The following DNAAF9 variants were observed in gnomAD, a reference collection of about 807,000 sequenced individuals.
The protein encoded by DNAAF9 is dynein axonemal assembly factor 9.
DNAAF9 carries 90 observed loss-of-function variants against 167.0 expected under a neutral mutation model. The ratio of observed to expected loss-of-function variants is 0.54; its 90% confidence interval spans 0.45 to 0.64. The LOEUF is 0.64. Among genes scored for constraint, DNAAF9 ranks in the 30% least tolerant of loss-of-function variants. The probability of loss-of-function intolerance (pLI) is 0.00; values close to 1 mark genes in which losing one functional copy is unlikely to be tolerated. For missense variants in DNAAF9, 1,315 were observed against 1,442.2 expected (o/e 0.91, Z 1.43); for synonymous variants, 491 against 508.8 (o/e 0.96, Z 0.47).
At chr20:3,375,165 G>A in intron 4 of DNAAF9, 39 bp from the exon 5 acceptor site, 1 of 1,178,362 alleles carries the variant, frequency 8.5e-7, no homozygotes, top group Non-Finnish European at 1.3e-6. Flanking sequence ...GCTCTGATGA[G>A]ATATCACACA....
chr20:3,383,901 C>A (rs373874704), intron 1 of DNAAF9, among the ~76,000 whole-genome samples: 15 of 151,526 alleles, frequency 9.9e-5, no homozygotes, highest in African/African-American at 3.4e-4. Context: ...TGGGTCCAAG[C>A]GACTCTCATG....
intron 20 of DNAAF9, among the ~76,000 whole-genome samples, chr20:3,313,535 G>C (rs6051732): frequency 2.0e-4 from 30 of 152,046 alleles, no homozygotes; most frequent in Non-Finnish European, 1.0e-4. Context: ...CTCACATAAA[G>C]GCTATATTCA....
At chr20:3,260,199 C>T (rs2068357522) in intron 31 of DNAAF9, among the ~76,000 whole-genome samples, 171 bp from the exon 32 acceptor site, 4 of 151,888 alleles carry the variant, frequency 2.6e-5, no homozygotes, top group South Asian at 4.2e-4. Flanking sequence ...ATTAGCCGGG[C>T]GCGGTGGCGG....
intron 6 of DNAAF9, among the ~76,000 whole-genome samples, chr20:3,367,217 C>T (rs916424907): frequency 6.6e-6 from 1 of 152,218 alleles, no homozygotes; most frequent in Non-Finnish European, 1.5e-5. Context: ...CCATTCTCAG[C>T]CTTCACATTA....
intron 7 of DNAAF9, among the ~76,000 whole-genome samples, chr20:3,350,831 A>G (rs2070308796): frequency 6.6e-6 from 1 of 152,200 alleles, no homozygotes; most frequent in Non-Finnish European, 1.5e-5. Flanking sequence ...GATGGTAGTA[A>G]TTACAATGGA....
intron 31 of DNAAF9, among the ~76,000 whole-genome samples, chr20:3,260,928 G>A (rs751280532): frequency 6.6e-6 from 1 of 151,918 alleles, no homozygotes; most frequent in Non-Finnish European, 1.5e-5. Flanking sequence ...CACCATAGCC[G>A]GTCTTGCTCC....
chr20:3,312,137 C>T (rs113014499), intron 20 of DNAAF9, among the ~76,000 whole-genome samples: 10 of 152,126 alleles, frequency 6.6e-5, no homozygotes, highest in South Asian at 2.1e-4. Context: ...TACAGGCATG[C>T]GTCACCACGC....
intron 1 of DNAAF9, among the ~76,000 whole-genome samples, chr20:3,402,917 G>A (rs2084007515): frequency 3.3e-5 from 5 of 152,106 alleles, no homozygotes. Context: ...AATTCATTGT[G>A]CTAGATTCTT....
chr20:3,303,176 A>G (rs1384816617), intron 21 of DNAAF9, among the ~76,000 whole-genome samples: 1 of 151,590 alleles, frequency 6.6e-6, no homozygotes. Flanking sequence ...AGGGAGGCAG[A>G]GCTTGCAGTG....
chr20:3,288,603 A>C (rs1462989915), intron 26 of DNAAF9, among the ~76,000 whole-genome samples: 4 of 152,190 alleles, frequency 2.6e-5, no homozygotes, highest in Admixed American at 6.5e-5. Context: ...CATTCTCCAC[A>C]ATATCCCATC....
intron 21 of DNAAF9, among the ~76,000 whole-genome samples, chr20:3,299,967 A>G (rs931125635): frequency 6.6e-6 from 1 of 152,260 alleles, no homozygotes; most frequent in Non-Finnish European, 1.5e-5. Flanking sequence ...CAGTAGCACA[A>G]TCTCGGCTCA....
intron 10 of DNAAF9, among the ~76,000 whole-genome samples, chr20:3,332,771 A>C (rs1167924321): frequency 2.0e-5 from 3 of 152,128 alleles, no homozygotes; most frequent in Non-Finnish European, 4.4e-5. Flanking sequence ...GCCAGAAATA[A>C]ATTTTCTTCT....
intron 21 of DNAAF9, among the ~76,000 whole-genome samples, chr20:3,300,620 T>G (rs2069167161): frequency 1.3e-5 from 2 of 150,222 alleles, no homozygotes; most frequent in African/African-American, 4.9e-5. Flanking sequence ...CTCACTAATT[T>G]AAAAAATTTT....
intron 25 of DNAAF9, among the ~76,000 whole-genome samples, chr20:3,292,888 C>T (rs2068987876): frequency 6.6e-6 from 1 of 151,946 alleles, no homozygotes; most frequent in African/African-American, 2.4e-5. Flanking sequence ...AGCTTGAGAC[C>T]ATCCTGGCCA....
At chr20:3,364,856 G>T (rs1293574130) in intron 6 of DNAAF9, among the ~76,000 whole-genome samples, 5 of 151,896 alleles carry the variant, frequency 3.3e-5, no homozygotes, top group African/African-American at 1.2e-4. Flanking sequence ...AGGTTAAGAG[G>T]CTGCGGCAAT....
In DNAAF9 at chr20:3,326,210, G is replaced by C. The variant is rs776027360; in HGVS notation, c.1175C>G (p.Ser392Cys). ...TATTTAAATTACCTTTGTTAGACTG[G>C]AAGTTTTAGCATAACATGCAATGCC... The part of the protein sequence containing the change: ...LAGIACYAKT[S>C]SLTKAKEVAE... The change falls in exon 13 of 37, where the codon TCC (serine) becomes TGC (cysteine). Residue 392 changes from serine to cysteine, a missense_variant. Physicochemically the swap from Ser to Cys is moderately radical, Grantham distance 112. This residue lies in a region of DNAAF9 where 981 missense variants were observed against 1,012.5 expected (regional missense o/e 0.97). Coordinates refer to ENST00000252032, the MANE Select transcript of DNAAF9 (RefSeq NM_001009984.3). 1 of 1,605,780 alleles carries C rather than the reference G, an allele frequency of 6.2e-7. No homozygotes were observed. The highest frequency in any genetic ancestry group is 1.7e-5 in the Admixed American group (1 of 59,998).
intron 27 of DNAAF9, among the ~76,000 whole-genome samples, chr20:3,283,880 C>T (rs1428759730): frequency 1.3e-5 from 2 of 152,118 alleles, no homozygotes; most frequent in African/African-American, 4.8e-5. Context: ...ACAGGATTTC[C>T]CTTAGAGAGA....
chr20:3,385,992 T>C (rs1324267505), intron 1 of DNAAF9, among the ~76,000 whole-genome samples: 1 of 152,170 alleles, frequency 6.6e-6, no homozygotes, highest in East Asian at 1.9e-4. Flanking sequence ...AAGAGATTAT[T>C]CTAAAATTTA....
intron 13 of DNAAF9, 26 bp from the exon 14 acceptor site, chr20:3,324,994 T>C (rs370616979): frequency 5.8e-6 from 8 of 1,377,442 alleles, no homozygotes; most frequent in Non-Finnish European, 8.3e-6. Flanking sequence ...ACAGCGACAA[T>C]TAGCTTTCAC....
Sources: gnomAD v4.1 joint callset for allele counts (sites outside exome capture counted in the v4.1 genomes callset) on GRCh38, gnomAD v4.1.1 for gene constraint, gnomAD v4.1.1 regional missense constraint, MANE v1.5 for transcripts, NCBI Gene and HGNC (gene_info 2026-07-23, HGNC 2026-07-21) for gene names.